DNER: variants seen among roughly 807,000 people sequenced by gnomAD.
DNER encodes the protein delta and Notch-like epidermal growth factor-related receptor.
In DNER, 33 loss-of-function variants were observed where a neutral mutation model predicts 78.2. The observed-to-expected ratio is 0.42, with a 90% CI of 0.32 to 0.56. DNER has a LOEUF of 0.56. Among genes scored for constraint, DNER ranks in the 20% least tolerant of loss-of-function variants. DNER has a pLI of 0.11. For missense variants in DNER, 918 were observed against 975.3 expected, an observed-to-expected ratio of 0.94 and a Z score of 0.78; for synonymous variants, 417 against 384.8, an observed-to-expected ratio of 1.08 and a Z score of -0.98.
intron 1 of DNER, among the ~76,000 whole-genome samples, chr2:229,697,243 A>G (rs1383832057): frequency 2.0e-5 from 3 of 152,250 alleles, no homozygotes; most frequent in African/African-American, 7.2e-5. Flanking sequence ...AAGATGCCAG[A>G]CACAAACAGT....
chr2:229,546,786 CAGATAGAT>C (rs756832373), intron 5 of DNER, among the ~76,000 whole-genome samples, 153 bp downstream of exon 5: 15 of 150,030 alleles, frequency 1.0e-4, no homozygotes, highest in Admixed American at 1.3e-4. Context: ...GACAGATAGA[CAGATAGAT>C]AGATAGATAG....
At chr2:229,381,075 G>T (rs180961330) in intron 11 of DNER, among the ~76,000 whole-genome samples, 2 of 152,282 alleles carry the variant, frequency 1.3e-5, no homozygotes. Context: ...GAGGTAGCTG[G>T]CTCATCTCAT....
intron 1 of DNER, among the ~76,000 whole-genome samples, chr2:229,650,486 A>G (rs1279691019): frequency 6.6e-6 from 1 of 152,218 alleles, no homozygotes; most frequent in Non-Finnish European, 1.5e-5. Flanking sequence ...AGCAGGTTTC[A>G]TCCCACAAAT....
At chr2:229,501,468 A>G (rs1484514373) in intron 6 of DNER, among the ~76,000 whole-genome samples, 3 of 152,120 alleles carry the variant, frequency 2.0e-5, no homozygotes, top group Non-Finnish European at 4.4e-5. Flanking sequence ...TGACATAGAA[A>G]TTAAAGCAAA....
chr2:229,586,645 G>C, intron 3 of DNER: 3 of 981,738 alleles, frequency 3.1e-6, no homozygotes, highest in Non-Finnish European at 3.6e-6. Flanking sequence ...TCTCCTCACA[G>C]CCCAATGCTT....
intron 6 of DNER, among the ~76,000 whole-genome samples, chr2:229,511,053 T>C (rs953690510): frequency 4.6e-5 from 7 of 152,178 alleles, no homozygotes; most frequent in Non-Finnish European, 1.0e-4. Flanking sequence ...TCCCTATGAT[T>C]TGATAAAGTT....
intron 1 of DNER, among the ~76,000 whole-genome samples, chr2:229,640,492 G>A (rs114404785): frequency 0.013 from 1,780 of 141,906 alleles, 35 homozygotes; most frequent in African/African-American, 0.041. Context: ...GTGGTATGAG[G>A]AGTTTGCCTA....
intron 1 of DNER, among the ~76,000 whole-genome samples, chr2:229,640,273 T>G (rs553940298): frequency 9.8e-5 from 15 of 152,352 alleles, no homozygotes; most frequent in Admixed American, 9.8e-4. Context: ...CAGCTCTGAT[T>G]TGCATGTTTC....
In DNER at chr2:229,543,178, C is replaced by G. The variant is rs1222738327; in HGVS notation, c.993+3769G>C. Among the ~76,000 whole-genome samples the G allele has an allele frequency of 7.2e-5, 11 of 151,978 alleles. No individual in the cohort carries two copies. The East Asian group carries it at 9.6e-4, about 13-fold the overall frequency. On this transcript the variant is annotated intron_variant, in intron 5 of 12. Transcript: ENST00000341772. ...ATTAAAAAAAAAAGAAGAAGAAGAA[C>G]AAGAAGAAGCTGCTACCCCTGATGG...
chr2:229,558,238 G>A (rs1696889955), intron 4 of DNER, among the ~76,000 whole-genome samples: 1 of 152,116 alleles, frequency 6.6e-6, no homozygotes, highest in South Asian at 2.1e-4. Flanking sequence ...AGGGTGGAGG[G>A]TAGGAGGAGA....
chr2:229,707,428 G>C (rs115062567), intron 1 of DNER, among the ~76,000 whole-genome samples: 5 of 152,122 alleles, frequency 3.3e-5, no homozygotes, highest in African/African-American at 1.2e-4. Context: ...GCACTTCCCA[G>C]AACAGACCTG....
At chr2:229,562,195 C>T (rs766202326) in intron 4 of DNER, among the ~76,000 whole-genome samples, 15 of 152,082 alleles carry the variant, frequency 9.9e-5, no homozygotes, top group Non-Finnish European at 2.1e-4. Flanking sequence ...CACACAAAAC[C>T]CCTCCTGGGC....
At chr2:229,457,136 C>T (rs1694592528) in intron 7 of DNER, among the ~76,000 whole-genome samples, 1 of 151,978 alleles carries the variant, frequency 6.6e-6, no homozygotes, top group African/African-American at 2.4e-5. Context: ...AAGTTTGTTG[C>T]CAGCAGATCT....
intron 1 of DNER, among the ~76,000 whole-genome samples, chr2:229,707,277 C>A (rs1021049203): frequency 6.7e-6 from 1 of 149,706 alleles, no homozygotes; most frequent in Admixed American, 6.8e-5. Context: ...TCAGGTGATC[C>A]ATCTGCCTCA....
At chr2:229,453,636 C>T (rs1260078183) in intron 7 of DNER, among the ~76,000 whole-genome samples, 1 of 152,110 alleles carries the variant, frequency 6.6e-6, no homozygotes, top group Non-Finnish European at 1.5e-5. Context: ...ATTGAGAGAC[C>T]TCTCCTCTTG....
intron 4 of DNER, among the ~76,000 whole-genome samples, chr2:229,547,568 C>T (rs1376489109): frequency 1.3e-5 from 2 of 152,184 alleles, no homozygotes; most frequent in Admixed American, 1.3e-4. Context: ...AAAGGCCCCA[C>T]CCAGTTATCA....
chr2:229,517,827 C>T (rs2154212473), intron 5 of DNER, among the ~76,000 whole-genome samples: 1 of 152,302 alleles, frequency 6.6e-6, no homozygotes, highest in East Asian at 1.9e-4. Flanking sequence ...GCAGGTCCCA[C>T]AGCAAGAAAC....
At chr2:229,696,802 G>T (rs775948744) in intron 1 of DNER, among the ~76,000 whole-genome samples, 16 of 152,154 alleles carry the variant, frequency 1.1e-4, no homozygotes, top group Non-Finnish European at 1.9e-4. Flanking sequence ...GGAGCTTCTG[G>T]GATGCTATCA....
At chr2:229,529,207 T>TTA (rs550233046) in intron 5 of DNER, among the ~76,000 whole-genome samples, 4 of 152,042 alleles carry the variant, frequency 2.6e-5, no homozygotes, top group Admixed American at 2.0e-4. Context: ...TTTTTTTTTT[T>TTA]AATCCCCAAA....
Sources: allele counts gnomAD v4.1 joint callset (sites outside exome capture counted in the v4.1 genomes callset), GRCh38; gene constraint gnomAD v4.1.1; transcripts MANE v1.5; gene names NCBI Gene and HGNC (gene_info 2026-07-23, HGNC 2026-07-21).